KMT2A: variants seen among roughly 807,000 people sequenced by gnomAD.
KMT2A encodes histone-lysine N-methyltransferase 2A.
Under a neutral mutation model 345.3 loss-of-function variants are expected in KMT2A, and 16 were observed. The ratio of observed to expected loss-of-function variants is 0.05; its 90% confidence interval spans 0.03 to 0.07. The LOEUF (loss-of-function observed/expected upper bound fraction) is 0.07, where lower values mean the gene tolerates loss of function less well. KMT2A is among the 10% of genes least tolerant of loss of function. The pLI is 1.00. For synonymous variants in KMT2A, 1,599 were observed against 1,778.6 expected (o/e 0.90, Z 2.54); for missense variants, 3,272 against 4,841.6 (o/e 0.68, Z 9.62).
Position 118,505,145 on chromosome 11 carries a change from A to G in KMT2A, c.9253A>G (p.Asn3085Asp). 1 of 1,614,200 alleles carries G rather than the reference A, an allele frequency of 6.2e-7. No homozygotes were observed. The highest frequency in any genetic ancestry group is 8.5e-7 in the Non-Finnish European group (1 of 1,180,034). The stretch of plus-strand genomic sequence containing the variant: ...AGCCACTGAGAAACTCATAGTTGTT[A>G]ACCAGAACATGCAGCCACTTTATGT... ...KPATEKLIVV[N>D]QNMQPLYVLQ... is the part of the protein sequence containing the mutation. The change falls in exon 27 of 36, where the codon AAC becomes GAC. Residue 3085 changes from asparagine to aspartate, a missense_variant. Asn to Asp is a conservative substitution (Grantham distance 23, BLOSUM62 1). Coordinates refer to ENST00000534358, the MANE Select transcript of KMT2A (RefSeq NM_001197104.2). The surrounding 1 kb of genome is among the most constrained non-coding windows in gnomAD (Gnocchi z 4.6).
At chr11:118,443,820 T>C (rs1292462323) in intron 1 of KMT2A, among the ~76,000 whole-genome samples, 2 of 152,228 alleles carry the variant, frequency 1.3e-5, no homozygotes, top group African/African-American at 4.8e-5. Context: ...GCAGCATCGG[T>C]CCAGTAGCAT....
intron 1 of KMT2A, among the ~76,000 whole-genome samples, chr11:118,438,825 A>T (rs1055302730): frequency 1.3e-5 from 2 of 152,076 alleles, no homozygotes; most frequent in Non-Finnish European, 2.9e-5. Flanking sequence ...CTGACAGAGC[A>T]AGGAGGACAT....
intron 31 of KMT2A, among the ~76,000 whole-genome samples, chr11:118,515,268 C>G (rs1194641064): frequency 1.3e-5 from 2 of 152,204 alleles, no homozygotes; most frequent in African/African-American, 4.8e-5. Context: ...CCTCCAAATT[C>G]CCTGGTTTAC....
chr11:118,472,903 A>C lies in KMT2A; in HGVS notation c.1744A>C (p.Thr582Pro). 6.2e-7 allele frequency: 1 copy of C among 1,613,874 alleles called. No individual in the cohort carries two copies. Among genetic ancestry groups the C allele is most frequent in the Admixed American group, 1.7e-5 (1 of 59,994 alleles). Residue 582 changes from threonine (T) to proline (P), a missense_variant, in exon 3 of 36, where the codon ACA becomes CCA. Physicochemically the swap from Thr to Pro is conservative, Grantham distance 38. Around this residue, in one of 27 missense-constraint regions of KMT2A, gnomAD observed 180 missense variants for 190.7 expected, o/e 0.94. Coordinates refer to ENST00000534358, the MANE Select transcript of KMT2A (RefSeq NM_001197104.2). ...LQPASSISDH[T>P]PWLMPPTIPL... Reference sequence around the variant, plus strand: ...GCCAGCCTCCAGTATCTCTGACCACACACCTTGGCTTATGCCTCCAACAAT... The same window carrying C: ...GCCAGCCTCCAGTATCTCTGACCACCCACCTTGGCTTATGCCTCCAACAAT...
Position 118,484,308 on chromosome 11 carries a change from C to G in KMT2A, c.4212C>G (p.Asp1404Glu). The G allele has an allele frequency of 6.2e-7, 1 of 1,613,938 alleles. No homozygotes were observed. Among genetic ancestry groups the G allele is most frequent in the Non-Finnish European group, 8.5e-7 (1 of 1,179,942 alleles). ...PADGVHRIRV[D>E]FKEDCEAENV... ...ATGGAGTCCACAGGATCAGAGTGGACTTTAAGGTAAAGGTGTTCAGTGATC... is the reference window on the plus strand; with the variant it reads ...ATGGAGTCCACAGGATCAGAGTGGAGTTTAAGGTAAAGGTGTTCAGTGATC... The change falls in exon 9 of 36, where the codon GAC becomes GAG. Residue 1404 changes from aspartate to glutamate, a missense_variant. By Grantham distance (45) the Asp-to-Glu change is conservative. This residue lies in a region of KMT2A where 120 missense variants were observed against 280.4 expected (regional missense o/e 0.43). Transcript: ENST00000534358. The surrounding 1 kb of genome is among the most constrained non-coding windows in gnomAD (Gnocchi z 4.1).
intron 25 of KMT2A, 130 bp from the exon 26 acceptor site, chr11:118,501,542 A>C (rs948629435): frequency 1.1e-5 from 8 of 708,612 alleles, no homozygotes; most frequent in Non-Finnish European, 1.8e-5. Flanking sequence ...GCTGGGGGAA[A>C]AGTCATTTAC....
At position 118,503,394 on chromosome 11, in the gene KMT2A, C is replaced by G; in HGVS notation, c.7502C>G (p.Pro2501Arg). The change falls in exon 27 of 36, where the codon CCC becomes CGC. Residue 2501 changes from proline to arginine, a missense_variant. By Grantham distance (103) the Pro-to-Arg change is moderately radical. This residue lies in a region of KMT2A where 445 missense variants were observed against 500.9 expected (regional missense o/e 0.89). Transcript: ENST00000534358. This position sits in a 1 kb window ranked among gnomAD's most constrained non-coding sequence, Gnocchi z 5.3. ...GDKGLSMPGV[P>R]KAPPMQVEGS... ...AAAGGCCTTTCTATGCCAGGAGTCC[C>G]CAAAGCTCCACCCATGCAAGTAGAA... The G allele has an allele frequency of 6.2e-7, 1 of 1,613,980 alleles. No individual in the cohort carries two copies. Among genetic ancestry groups the G allele is most frequent in the Non-Finnish European group, 8.5e-7 (1 of 1,180,002 alleles).
rs782462364 is a variant in KMT2A at position 118,472,633 on chromosome 11, G to T, written c.1474G>T (p.Ala492Ser). 2.5e-6 allele frequency: 4 copies of T among 1,612,394 alleles called. No individual in the cohort carries two copies. The highest frequency in any genetic ancestry group is 3.4e-6 in the Non-Finnish European group (4 of 1,179,776). ...TGTTGATACCTCCACAGACTCTCAG[G>T]CTTCTGAGGAGATTCAGGTACTTCC... ...PSVDTSTDSQ[A>S]SEEIQVLPEE... is the part of the protein sequence containing the mutation. The change falls in exon 3 of 36, where the codon GCT becomes TCT. Residue 492 changes from alanine (A) to serine (S), a missense_variant. By Grantham distance (99) the Ala-to-Ser change is moderately conservative (BLOSUM62 1). This residue lies in a region of KMT2A where 180 missense variants were observed against 190.7 expected (regional missense o/e 0.94). Transcript: ENST00000534358.
Position 118,472,679 on chromosome 11 carries a change from C to A in KMT2A, c.1520C>A (p.Pro507His), listed in dbSNP as rs1949963955. Residue 507 changes from proline to histidine, a missense_variant, in exon 3 of 36, where the codon CCT (proline) becomes CAT (histidine). Coordinates refer to ENST00000534358, the MANE Select transcript of KMT2A (RefSeq NM_001197104.2). ...CTTCCTGAGGAGCGGAGCGATACCCCTGAAGTTCATCCTCCACTGCCCATT... is the reference window on the plus strand; with the variant it reads ...CTTCCTGAGGAGCGGAGCGATACCCATGAAGTTCATCCTCCACTGCCCATT... ...QVLPEERSDT[P>H]EVHPPLPISQ... The A allele has an allele frequency of 6.2e-7, 1 of 1,613,268 alleles. No individual in the cohort carries two copies. Among genetic ancestry groups the A allele is most frequent in the Non-Finnish European group, 8.5e-7 (1 of 1,179,892 alleles).
intron 29 of KMT2A, among the ~76,000 whole-genome samples, chr11:118,509,646 A>C (rs1489768365): frequency 6.6e-6 from 1 of 152,198 alleles, no homozygotes; most frequent in Non-Finnish European, 1.5e-5. Context: ...AAGATTAGAG[A>C]GTTCTGGGTA....
At position 118,489,231 on chromosome 11, in the gene KMT2A, CAAAAAA is replaced by C. The variant is rs11412289; in HGVS notation, c.4479+487_4479+492del. 1.2e-3 allele frequency among the ~76,000 whole-genome samples: 112 copies of C among 90,632 alleles called. 1 individual carries two copies. The Admixed American group carries it at 0.015, about 12-fold the overall frequency. 59.5% of individuals were successfully genotyped at this position (90,632 alleles called of 152,430 possible). A position where few individuals can be genotyped will look rare whatever the true frequency, so the allele number is the denominator to read the frequency against. ...TGGGTGACACAGTGAGACTCCATCTCAAAAAAAAAAAAAAAAAAAAACTATATGGGA... is the reference window on the plus strand; with the variant it reads ...TGGGTGACACAGTGAGACTCCATCTCAAAAAAAAAAAAAAACTATATGGGA... On this transcript the variant is annotated intron_variant, in intron 11 of 35. Coordinates refer to ENST00000534358, the MANE Select transcript of KMT2A (RefSeq NM_001197104.2).
At chr11:118,487,843 T>C (rs1304191214) in intron 10 of KMT2A, among the ~76,000 whole-genome samples, 12 of 152,226 alleles carry the variant, frequency 7.9e-5, no homozygotes, top group African/African-American at 2.9e-4. Context: ...CTAGTTAGTA[T>C]TTTTGAAAAT....
In KMT2A at chr11:118,478,111, G is replaced by C. The variant is rs2134287151; in HGVS notation, c.3479G>C (p.Gly1160Ala). The C allele has an allele frequency of 1.2e-6, 2 of 1,614,158 alleles. No homozygotes were observed. Among genetic ancestry groups the C allele is most frequent in the Non-Finnish European group, 1.7e-6 (2 of 1,180,028 alleles). The change falls in exon 5 of 36, where the codon GGC becomes GCC. Residue 1160 changes from glycine to alanine, a missense_variant. Physicochemically the swap from Gly to Ala is moderately conservative, Grantham distance 60 (BLOSUM62 0). This residue lies in a region of KMT2A where 26 missense variants were observed against 90.5 expected (regional missense o/e 0.29). Transcript: ENST00000534358. Reference protein sequence around the residue: ...RRSRRCGQCPGCQVPEDCGVC... With the variant: ...RRSRRCGQCPACQVPEDCGVC... ...TCGAGGCGGTGTGGGCAGTGTCCCG[G>C]CTGCCAGGTGCCTGAGGACTGTGGT...
Position 118,502,202 on chromosome 11 carries a change from G to A in KMT2A, c.6506-196G>A, listed in dbSNP as rs572616851. 1.0e-3 allele frequency among the ~76,000 whole-genome samples: 155 copies of A among 152,064 alleles called. No homozygotes were observed. Among genetic ancestry groups the A allele is most frequent in the Admixed American group, 9.6e-3 (147 of 15,278 alleles). On this transcript the variant is annotated intron_variant, in intron 26 of 35. Coordinates refer to ENST00000534358, the MANE Select transcript of KMT2A (RefSeq NM_001197104.2). This position sits in a 1 kb window ranked among gnomAD's most constrained non-coding sequence, Gnocchi z 4.9. ...CAGGAGGTGGAGGTTGCAGTAAGCC[G>A]AGATCGCACCACTGCACTCCAGCTT...
In KMT2A at chr11:118,472,221, G is replaced by T. The variant is rs1157584916; in HGVS notation, c.1062G>T (p.Arg354Ser). The stretch of plus-strand genomic sequence containing the variant: ...CAGTTGTCAGACAAAGCCCTCGAAG[G>T]ATTAAGCCAGTTAGGATTATTCCTT... ...DKTVVRQSPR[R>S]IKPVRIIPSS... Residue 354 changes from arginine (R) to serine (S), a missense_variant, in exon 3 of 36, where the codon AGG (arginine) becomes AGT (serine). Around this residue, in one of 27 missense-constraint regions of KMT2A, gnomAD observed 412 missense variants for 511.0 expected, o/e 0.81. Transcript: ENST00000534358. 10 of 1,613,822 alleles carry T rather than the reference G, an allele frequency of 6.2e-6. No individual in the cohort carries two copies. Among genetic ancestry groups the T allele is most frequent in the African/African-American group, 1.3e-5 (1 of 74,836 alleles).
rs538019539 is a variant in KMT2A, at chr11:118,440,154, C to A, written c.432+3210C>A. 7.0e-4 allele frequency among the ~76,000 whole-genome samples: 106 copies of A among 152,220 alleles called. 1 individual carries two copies. Among genetic ancestry groups the A allele is most frequent in the African/African-American group, 2.4e-3 (100 of 41,532 alleles). On this transcript the variant is annotated intron_variant, in intron 1 of 35. Transcript: ENST00000534358. ...TTCAGTGAATAATGACTATAACTTGCCTATGTAACAACACCTATGTTAATA... is the reference window on the plus strand; with the variant it reads ...TTCAGTGAATAATGACTATAACTTGACTATGTAACAACACCTATGTTAATA...
At chr11:118,452,144 C>T (rs567395731) in intron 1 of KMT2A, among the ~76,000 whole-genome samples, 23 of 152,230 alleles carry the variant, frequency 1.5e-4, no homozygotes, top group Non-Finnish European at 2.8e-4. Context: ...TGAGCTTAAG[C>T]GATTCTACTC....
intron 1 of KMT2A, 41 bp from the exon 2 acceptor site, chr11:118,468,734 G>A (rs369360540): frequency 5.8e-6 from 9 of 1,541,074 alleles, no homozygotes; most frequent in South Asian, 4.5e-5. Context: ...TTGTATGCAC[G>A]TTTTTGCTTC....
At chr11:118,443,975 A>G (rs1050229726) in intron 1 of KMT2A, among the ~76,000 whole-genome samples, 3 of 152,220 alleles carry the variant, frequency 2.0e-5, no homozygotes, top group East Asian at 1.9e-4. Context: ...TAACATTCAT[A>G]CTGTTTTAGA....
Sources: gnomAD v4.1 joint callset for allele counts (sites outside exome capture counted in the v4.1 genomes callset) on GRCh38, gnomAD v4.1.1 for gene constraint, gnomAD v4.1.1 regional missense constraint, Gnocchi (gnomAD v3.1) non-coding constraint, MANE v1.5 for transcripts, NCBI Gene and HGNC (gene_info 2026-07-23, HGNC 2026-07-21) for gene names.